The following NUDT3 variants were observed in gnomAD, a reference collection of about 807,000 sequenced individuals.
The protein encoded by NUDT3 is nudix hydrolase 3, also known as diphosphoinositol polyphosphate phosphohydrolase 1.
In NUDT3, 9 loss-of-function variants were observed where a neutral mutation model predicts 23.6. The ratio of observed to expected loss-of-function variants is 0.38; its 90% CI spans 0.23 to 0.66. NUDT3 has a LOEUF of 0.66. Among genes scored for constraint, NUDT3 ranks in the 30% least tolerant of loss-of-function variants. The probability of loss-of-function intolerance (pLI) is 0.52; values close to 1 mark genes in which losing one functional copy is unlikely to be tolerated. For synonymous variants in NUDT3, 86 were observed against 82.6 expected (o/e 1.04, Z -0.22); for missense variants, 172 against 218.5 (o/e 0.79, Z 1.34).
At chr6:34,308,394 G>A (rs1213155541) in intron 2 of NUDT3, among the ~76,000 whole-genome samples, 3 of 150,080 alleles carry the variant, frequency 2.0e-5, no homozygotes, top group South Asian at 4.2e-4. Flanking sequence ...CTGGGAGGTC[G>A]AGACTGCAGT....
chr6:34,330,764 G>C (rs1011718143), intron 2 of NUDT3, among the ~76,000 whole-genome samples: 1 of 152,036 alleles, frequency 6.6e-6, no homozygotes, highest in African/African-American at 2.4e-5. Flanking sequence ...TCACACCACT[G>C]CACTCCAACC....
At chr6:34,299,131 T>A (rs896417036) in intron 2 of NUDT3, among the ~76,000 whole-genome samples, 2 of 152,222 alleles carry the variant, frequency 1.3e-5, no homozygotes, top group African/African-American at 4.8e-5. Flanking sequence ...ATCTGTCACA[T>A]GATTCCTGCA....
intron 1 of NUDT3, among the ~76,000 whole-genome samples, chr6:34,359,728 AACATTCCTCT>A (rs1428511861): frequency 6.6e-6 from 1 of 152,224 alleles, no homozygotes. Flanking sequence ...AATAGTGCTG[AACATTCCTCT>A]ACAAATGTTT....
At chr6:34,328,391 CTTGA>C (rs1764074726) in intron 2 of NUDT3, among the ~76,000 whole-genome samples, 1 of 152,186 alleles carries the variant, frequency 6.6e-6, no homozygotes, top group South Asian at 2.1e-4. Flanking sequence ...AGTTTTATCA[CTTGA>C]TTAAGCTAGC....
At chr6:34,310,550 C>G (rs1238304768) in intron 2 of NUDT3, among the ~76,000 whole-genome samples, 2 of 151,984 alleles carry the variant, frequency 1.3e-5, no homozygotes, top group Admixed American at 6.6e-5. Flanking sequence ...ACATCCACCA[C>G]CACCACCACC....
In NUDT3 at chr6:34,392,457, G is replaced by C; in HGVS notation, c.-95C>G. 1.2e-6 allele frequency: 1 copy of C among 858,242 alleles called. No homozygotes were observed. Among genetic ancestry groups the C allele is most frequent in the Non-Finnish European group, 1.8e-6 (1 of 554,890 alleles). The allele number at this position is 858,242 out of a possible 1,614,324, so 53.2% of individuals were successfully genotyped here. On this transcript the variant is annotated 5_prime_UTR_variant, in exon 1 of 5. Coordinates refer to ENST00000607016, the MANE Select transcript of NUDT3 (RefSeq NM_006703.4). ...CCGCGTGCGCGCGCGCCCCCGGCTC[G>C]GCCAAGGGAAGCAGGGAGGGGGAGC...
chr6:34,390,094 C>A (rs1039683422), intron 1 of NUDT3, among the ~76,000 whole-genome samples: 4 of 151,814 alleles, frequency 2.6e-5, no homozygotes, highest in African/African-American at 9.7e-5. Flanking sequence ...GCCGAGATCA[C>A]GCCACTGCAC....
At chr6:34,319,124 C>G (rs1763902889) in intron 2 of NUDT3, among the ~76,000 whole-genome samples, 1 of 151,968 alleles carries the variant, frequency 6.6e-6, no homozygotes, top group Admixed American at 6.6e-5. Context: ...TGCTCTCACA[C>G]CAAACAATCA....
intron 1 of NUDT3, among the ~76,000 whole-genome samples, chr6:34,378,872 C>G (rs1404628453): frequency 6.6e-6 from 1 of 152,222 alleles, no homozygotes; most frequent in African/African-American, 2.4e-5. Context: ...ACTCCGCATC[C>G]CTGCACCACA....
chr6:34,291,770 T>C (rs1561897061), intron 4 of NUDT3, among the ~76,000 whole-genome samples: 1 of 152,134 alleles, frequency 6.6e-6, no homozygotes, highest in Non-Finnish European at 1.5e-5. Context: ...CCCAAAGCGC[T>C]GGGATTACAG....
intron 2 of NUDT3, among the ~76,000 whole-genome samples, chr6:34,329,073 C>T (rs1021160580): frequency 1.3e-5 from 2 of 152,016 alleles, no homozygotes; most frequent in Non-Finnish European, 2.9e-5. Context: ...TAAATTACTC[C>T]CAAGTAGTCA....
intron 1 of NUDT3, among the ~76,000 whole-genome samples, chr6:34,357,413 G>C (rs1764579497): frequency 6.6e-6 from 1 of 151,828 alleles, no homozygotes; most frequent in South Asian, 2.1e-4. Flanking sequence ...AGGAGTTCCA[G>C]ACCAGCCTGG....
chr6:34,298,311 T>C (rs1763546272), intron 2 of NUDT3, among the ~76,000 whole-genome samples: 3 of 152,136 alleles, frequency 2.0e-5, no homozygotes, highest in Admixed American at 2.0e-4. Context: ...CAGTGAGCCA[T>C]GACTGCACCA....
At chr6:34,319,039 T>TAA (rs57832381) in intron 2 of NUDT3, among the ~76,000 whole-genome samples, 68 of 140,742 alleles carry the variant, frequency 4.8e-4, no homozygotes, top group East Asian at 3.6e-3. Flanking sequence ...GCTGGGACAG[T>TAA]AAAAAAAAAA....
At chr6:34,340,454 A>G (rs759271226) in intron 2 of NUDT3, among the ~76,000 whole-genome samples, 6 of 152,212 alleles carry the variant, frequency 3.9e-5, no homozygotes, top group Non-Finnish European at 5.9e-5. Context: ...AATGAAGGAC[A>G]AAAGTCCAGG....
At chr6:34,356,400 AC>A (rs760347761) in intron 1 of NUDT3, among the ~76,000 whole-genome samples, 113 of 152,298 alleles carry the variant, frequency 7.4e-4, no homozygotes, top group Non-Finnish European at 1.3e-3. Context: ...CATTCCTGAT[AC>A]GGCTGATTCC....
intron 2 of NUDT3, among the ~76,000 whole-genome samples, chr6:34,336,805 T>C (rs1459923887): frequency 6.6e-6 from 1 of 152,114 alleles, no homozygotes; most frequent in African/African-American, 2.4e-5. Flanking sequence ...ATCTGAAACA[T>C]CTGAAGGTTT....
In NUDT3 at chr6:34,295,552, C is replaced by T. The variant is rs912299229; in HGVS notation, c.255+89G>A. ...AAAAATAACTAAAAAAAAAAAAACT[C>T]GCTGAAACAGAAATGGCATTTTTCC... On this transcript the variant is annotated intron_variant, in intron 3 of 4. Transcript: ENST00000607016. 7.0e-6 allele frequency: 10 copies of T among 1,434,004 alleles called. No individual in the cohort carries two copies. In the East Asian group the frequency reaches 1.4e-4, roughly 20 times the overall value. The allele number at this position is 1,434,004 out of a possible 1,614,324, so 88.8% of individuals were successfully genotyped here.
intron 1 of NUDT3, among the ~76,000 whole-genome samples, chr6:34,366,019 A>C (rs950116810): frequency 6.6e-6 from 1 of 151,682 alleles, no homozygotes; most frequent in Non-Finnish European, 1.5e-5. Context: ...CTAGCCTGAG[A>C]GCCAGAGCGA....
Sources: gnomAD v4.1 joint callset for allele counts (sites outside exome capture counted in the v4.1 genomes callset) on GRCh38, gnomAD v4.1.1 for gene constraint, MANE v1.5 for transcripts, NCBI Gene and HGNC (gene_info 2026-07-23, HGNC 2026-07-21) for gene names.